MIPOL1: variants seen among roughly 807,000 people sequenced by gnomAD.
MIPOL1 encodes mirror-image polydactyly 1, also known as mirror-image polydactyly gene 1 protein.
MIPOL1 carries 57 observed loss-of-function variants against 60.9 expected under a neutral mutation model. The ratio of observed to expected loss-of-function variants is 0.94; its 90% CI spans 0.76 to 1.17. The LOEUF is 1.17. Ranked by LOEUF, MIPOL1 falls within the 50% of genes most tolerant of loss-of-function variation. The probability of loss-of-function intolerance (pLI) is 0.00; values close to 1 mark genes in which losing one functional copy is unlikely to be tolerated. For synonymous variants in MIPOL1, 179 were observed against 168.8 expected (o/e 1.06, Z -0.47); for missense variants, 551 against 511.6 (o/e 1.08, Z -0.74).
At chr14:37,400,915 T>C (rs2093469606) in intron 10 of MIPOL1, 1 of 152,158 alleles carries the variant, frequency 6.6e-6, no homozygotes, top group South Asian at 2.1e-4. Flanking sequence ...GATTGGTTCA[T>C]GAAGAAAGAC....
intron 1 of MIPOL1, among the ~76,000 whole-genome samples, chr14:37,218,936 AAAAAAAG>A (rs1968258666): frequency 6.6e-6 from 1 of 151,114 alleles, no homozygotes; most frequent in East Asian, 1.9e-4. Context: ...AAAAAAAAAA[AAAAAAAG>A]AAAAAAGAAA....
At chr14:37,471,731 G>A (rs1435638838) in intron 11 of MIPOL1, among the ~76,000 whole-genome samples, 1 of 151,936 alleles carries the variant, frequency 6.6e-6, no homozygotes, top group Non-Finnish European at 1.5e-5. Flanking sequence ...TAGCTCTTCA[G>A]CCATCCTTTC....
At chr14:37,275,279 G>A (rs2083568352) in intron 6 of MIPOL1, among the ~76,000 whole-genome samples, 1 of 151,052 alleles carries the variant, frequency 6.6e-6, no homozygotes, top group South Asian at 2.1e-4. Flanking sequence ...ATACATGTGG[G>A]TAATATTATT....
intron 10 of MIPOL1, among the ~76,000 whole-genome samples, chr14:37,416,522 A>T (rs1595682962): frequency 6.6e-6 from 1 of 152,164 alleles, no homozygotes; most frequent in South Asian, 2.1e-4. Flanking sequence ...GCAAGTATTT[A>T]TGTATCTAAA....
intron 11 of MIPOL1, among the ~76,000 whole-genome samples, chr14:37,464,011 C>T (rs770784714): frequency 6.6e-6 from 1 of 152,044 alleles, no homozygotes; most frequent in Non-Finnish European, 1.5e-5. Flanking sequence ...GAAAACAATA[C>T]TCAAATCACT....
Position 37,268,571 on chromosome 14 carries a change from A to G in MIPOL1, c.252-87A>G, listed in dbSNP as rs893266349. 5 of 976,524 alleles carry G rather than the reference A, an allele frequency of 5.1e-6. No homozygotes were observed. In the Admixed American group the frequency reaches 1.4e-4, roughly 27 times the overall value. 60.5% of individuals were successfully genotyped at this position (976,524 alleles called of 1,614,324 possible). A position where few individuals can be genotyped will look rare whatever the true frequency, so the allele number is the denominator to read the frequency against. Reference sequence around the variant, plus strand: ...CCCTTCCTTTATGGTGTTTGCTTACAAGTTGATACTGTTCTCAAGTAGCAT... The same window carrying G: ...CCCTTCCTTTATGGTGTTTGCTTACGAGTTGATACTGTTCTCAAGTAGCAT... On this transcript the variant is annotated intron_variant, in intron 4 of 12. Coordinates refer to ENST00000684589, the MANE Select transcript of MIPOL1 (RefSeq NM_001388067.1).
At chr14:37,295,882 T>C (rs1283208652) in intron 7 of MIPOL1, among the ~76,000 whole-genome samples, 1 of 152,034 alleles carries the variant, frequency 6.6e-6, no homozygotes, top group Non-Finnish European at 1.5e-5. Flanking sequence ...ACTGTCAACA[T>C]TAGACAGATC....
intron 10 of MIPOL1, among the ~76,000 whole-genome samples, chr14:37,412,545 G>A (rs1464685477): frequency 1.3e-5 from 2 of 151,830 alleles, no homozygotes; most frequent in South Asian, 4.1e-4. Flanking sequence ...TTAATGTTGA[G>A]CAAAAAAACA....
chr14:37,455,036 C>G (rs1176477458), intron 11 of MIPOL1, among the ~76,000 whole-genome samples: 1 of 152,104 alleles, frequency 6.6e-6, no homozygotes, highest in Non-Finnish European at 1.5e-5. Flanking sequence ...TGATGACTCC[C>G]AAATGCAGAA....
intron 12 of MIPOL1, among the ~76,000 whole-genome samples, chr14:37,535,328 C>T (rs1474431124): frequency 1.3e-5 from 2 of 152,088 alleles, no homozygotes; most frequent in African/African-American, 4.8e-5. Context: ...GTTGAATATA[C>T]ACATATCAAG....
At chr14:37,308,173 A>C in intron 8 of MIPOL1, 84 bp downstream of exon 8, 1 of 1,360,660 alleles carries the variant, frequency 7.3e-7, no homozygotes. Context: ...TCAAGAACTA[A>C]GATGTGGGAA....
intron 1 of MIPOL1, 35 bp from the exon 2 acceptor site, chr14:37,247,067 TA>T (rs1336483030): frequency 6.6e-6 from 1 of 152,620 alleles, no homozygotes; most frequent in Admixed American, 6.6e-5. Context: ...GACTGGAACA[TA>T]TTTCTTTGAT....
chr14:37,543,290 T>C (rs2153642227), intron 12 of MIPOL1, among the ~76,000 whole-genome samples: 1 of 152,322 alleles, frequency 6.6e-6, no homozygotes, highest in East Asian at 1.9e-4. Flanking sequence ...TTATTATTTT[T>C]TTTTAGACAG....
intron 11 of MIPOL1, among the ~76,000 whole-genome samples, chr14:37,484,613 G>A (rs1254334278): frequency 6.6e-6 from 1 of 152,086 alleles, no homozygotes; most frequent in Non-Finnish European, 1.5e-5. Flanking sequence ...TGGGATTACA[G>A]TCGTGGGCCA....
chr14:37,242,379 T>A (rs1972494552), intron 1 of MIPOL1, among the ~76,000 whole-genome samples: 1 of 152,118 alleles, frequency 6.6e-6, no homozygotes, highest in African/African-American at 2.4e-5. Context: ...ATTTTTCTGT[T>A]TTTAATTTAT....
chr14:37,359,312 T>C (rs1460771361), intron 9 of MIPOL1, among the ~76,000 whole-genome samples: 1 of 152,230 alleles, frequency 6.6e-6, no homozygotes, highest in Non-Finnish European at 1.5e-5. Context: ...GTCTTGGCAA[T>C]GTGGGCTCTT....
intron 7 of MIPOL1, among the ~76,000 whole-genome samples, chr14:37,294,611 A>G (rs1270404538): frequency 6.6e-6 from 1 of 152,212 alleles, no homozygotes; most frequent in Non-Finnish European, 1.5e-5. Context: ...AGAAGTCCTT[A>G]AAGGACCTGA....
chr14:37,206,868 A>C (rs939163866), intron 1 of MIPOL1, among the ~76,000 whole-genome samples: 7 of 152,178 alleles, frequency 4.6e-5, no homozygotes, highest in African/African-American at 1.7e-4. Flanking sequence ...CCCATTTGGA[A>C]TGGCTGTATT....
intron 12 of MIPOL1, among the ~76,000 whole-genome samples, chr14:37,524,842 A>G (rs1365457745): frequency 6.6e-6 from 1 of 151,964 alleles, no homozygotes; most frequent in Non-Finnish European, 1.5e-5. Flanking sequence ...TGCTGGGATT[A>G]CAAGCATGAA....
Sources: gnomAD v4.1 joint callset for allele counts (sites outside exome capture counted in the v4.1 genomes callset) on GRCh38, gnomAD v4.1.1 for gene constraint, MANE v1.5 for transcripts, NCBI Gene and HGNC (gene_info 2026-07-23, HGNC 2026-07-21) for gene names.